Variants in RANBP2 observed in about 807,000 individuals in gnomAD.
The protein encoded by RANBP2 is RAN binding protein 2, also known as E3 SUMO-protein ligase RanBP2.
In RANBP2, 57 loss-of-function variants were observed where a neutral mutation model predicts 303.6. The observed-to-expected ratio is 0.19, with a 90% confidence interval of 0.15 to 0.23. The LOEUF (loss-of-function observed/expected upper bound fraction) is 0.23, where lower values mean the gene tolerates loss of function less well. Among genes scored for constraint, RANBP2 ranks in the 10% least tolerant of loss-of-function variants. RANBP2 has a pLI of 1.00. For missense variants in RANBP2, 3,138 were observed against 3,780.8 expected, an observed-to-expected ratio of 0.83 and a Z score of 4.46; for synonymous variants, 1,167 against 1,301.5, an observed-to-expected ratio of 0.90 and a Z score of 2.23.
At chr2:109,669,679 C>T in the RANBP2 span, among the ~76,000 whole-genome samples, 9 of 152,190 alleles carry the variant, frequency 5.9e-5, no homozygotes, top group Non-Finnish European at 1.2e-4. Context: ...CCAGAGAAGG[C>T]CTCAAGATAA....
the RANBP2 span, among the ~76,000 whole-genome samples, chr2:109,226,433 G>A: frequency 6.7e-4 from 102 of 152,294 alleles, no homozygotes; most frequent in African/African-American, 2.3e-3. Context: ...AATGACACAC[G>A]TGGCCCATGT....
the RANBP2 span, chr2:109,128,947 C>T: frequency 2.5e-6 from 1 of 406,876 alleles, no homozygotes; most frequent in Non-Finnish European, 4.9e-6. Flanking sequence ...TTCCCTGAGC[C>T]CCGCAGTGAC....
At chr2:109,531,796 TGAGCA>T in the RANBP2 span, among the ~76,000 whole-genome samples, 2 of 152,188 alleles carry the variant, frequency 1.3e-5, no homozygotes, top group African/African-American at 4.8e-5. Flanking sequence ...TACCCAAAGC[TGAGCA>T]GAACAGGTAG....
the RANBP2 span, among the ~76,000 whole-genome samples, chr2:108,892,499 T>G: frequency 1.3e-5 from 2 of 152,274 alleles, no homozygotes; most frequent in South Asian, 4.2e-4. Context: ...CCAGTGCCTC[T>G]GGGCCCCAGG....
At chr2:108,751,055 AT>A (rs1675840620) in intron 9 of RANBP2, among the ~76,000 whole-genome samples, 1 of 152,166 alleles carries the variant, frequency 6.6e-6, no homozygotes, top group South Asian at 2.1e-4. Flanking sequence ...CATCACTACT[AT>A]TTTTATTAAA....
chr2:109,674,400 C>G, the RANBP2 span, among the ~76,000 whole-genome samples: 1 of 93,616 alleles, frequency 1.1e-5, no homozygotes. Flanking sequence ...ATGGCAAGAC[C>G]TTGTGTCTCC....
chr2:109,520,864 G>A, the RANBP2 span, among the ~76,000 whole-genome samples: 2 of 137,862 alleles, frequency 1.5e-5, no homozygotes, highest in Non-Finnish European at 3.3e-5. Flanking sequence ...CCTGGAAGGC[G>A]GACGTCACAG....
the RANBP2 span, among the ~76,000 whole-genome samples, chr2:109,220,350 A>G: frequency 3.9e-5 from 6 of 152,242 alleles, no homozygotes; most frequent in East Asian, 1.2e-3. Context: ...AAAAACCTTC[A>G]TGGCCTGGAA....
At chr2:109,190,420 C>T in the RANBP2 span, among the ~76,000 whole-genome samples, 4 of 152,200 alleles carry the variant, frequency 2.6e-5, no homozygotes, top group Non-Finnish European at 4.4e-5. Flanking sequence ...GCGATCCACC[C>T]GCCTCGGCCA....
At chr2:108,781,240 G>C in intron 25 of RANBP2, 29 bp from the exon 26 acceptor site, 1 of 1,611,292 alleles carries the variant, frequency 6.2e-7, no homozygotes, top group Non-Finnish European at 8.5e-7. Context: ...ATAGATACTA[G>C]TGTTTAAATA....
the RANBP2 span, among the ~76,000 whole-genome samples, chr2:109,717,271 C>CA: frequency 0.028 from 2,231 of 80,768 alleles, 33 homozygotes; most frequent in Non-Finnish European, 0.041. Flanking sequence ...TAAAAACAAA[C>CA]CAAAAAAAAA....
At chr2:109,192,519 A>T in the RANBP2 span, among the ~76,000 whole-genome samples, 2 of 152,190 alleles carry the variant, frequency 1.3e-5, no homozygotes, top group African/African-American at 4.8e-5. Flanking sequence ...AGCCTTTCTT[A>T]TAGAGATTTG....
the RANBP2 span, chr2:109,545,585 T>TACTGA: frequency 2.0e-6 from 3 of 1,534,094 alleles, no homozygotes; most frequent in Non-Finnish European, 1.7e-6. Context: ...ATCAGTAGAA[T>TACTGA]TTGTTCTAAA....
At chr2:109,036,748 C>T in the RANBP2 span, among the ~76,000 whole-genome samples, 1 of 152,164 alleles carries the variant, frequency 6.6e-6, no homozygotes, top group African/African-American at 2.4e-5. Flanking sequence ...TAGCTCATGC[C>T]TGTAGTCCCA....
the RANBP2 span, chr2:109,794,593 C>CGGCGGCCTCGGCCCGGCCGGGG: frequency 1.1e-6 from 1 of 900,374 alleles, no homozygotes; most frequent in African/African-American, 2.2e-5. Context: ...GGGGCGGCGG[C>CGGCGGCCTCGGCCCGGCCGGGG]GGCGGCGGCG....
chr2:109,540,248 A>G, the RANBP2 span, among the ~76,000 whole-genome samples: 1 of 152,134 alleles, frequency 6.6e-6, no homozygotes, highest in African/African-American at 2.4e-5. Flanking sequence ...CCCCGGGTGC[A>G]CTGTTTTATC....
chr2:108,891,385 T>C, the RANBP2 span, among the ~76,000 whole-genome samples: 1 of 152,238 alleles, frequency 6.6e-6, no homozygotes, highest in Non-Finnish European at 1.5e-5. Flanking sequence ...TTGGCTTTGA[T>C]TCTGGATGCA....
chr2:109,545,528 C>A, the RANBP2 span: 1 of 1,535,978 alleles, frequency 6.5e-7, no homozygotes, highest in Non-Finnish European at 8.7e-7. Flanking sequence ...GAGTTCGAAT[C>A]GACAGCCTGG....
At chr2:109,676,591 C>G in the RANBP2 span, among the ~76,000 whole-genome samples, 1 of 152,292 alleles carries the variant, frequency 6.6e-6, no homozygotes, top group African/African-American at 2.4e-5. Flanking sequence ...GGGCAGCCAC[C>G]ACAGGCTGGG....
Sources: allele counts gnomAD v4.1 joint callset (sites outside exome capture counted in the v4.1 genomes callset), GRCh38; gene constraint gnomAD v4.1.1; transcripts MANE v1.5; gene names NCBI Gene and HGNC (gene_info 2026-07-23, HGNC 2026-07-21).